Variants in STK10 observed in about 807,000 individuals in gnomAD.
STK10 encodes serine/threonine kinase 10.
In STK10, 78 loss-of-function variants were observed where a neutral mutation model predicts 113.8. That is an observed-to-expected ratio of 0.69 (90% CI 0.57 to 0.83). STK10 has a LOEUF of 0.83. Among genes scored for constraint, STK10 ranks in the 40% least tolerant of loss-of-function variants. STK10 has a pLI of 0.00. For synonymous variants in STK10, 465 were observed against 494.7 expected, an observed-to-expected ratio of 0.94 and a Z score of 0.80; for missense variants, 1,109 against 1,280.1, an observed-to-expected ratio of 0.87 and a Z score of 2.04.
At chr5:172,073,793 C>CAAA (rs60492751) in intron 12 of STK10, among the ~76,000 whole-genome samples, 2,033 of 58,382 alleles carry the variant, frequency 0.035, 123 homozygotes, top group African/African-American at 0.11. Context: ...CTAAAAATAG[C>CAAA]AAAAAAAAAA....
intron 7 of STK10, among the ~76,000 whole-genome samples, chr5:172,097,099 C>A (rs371023469): frequency 2.3e-4 from 35 of 152,308 alleles, no homozygotes; most frequent in African/African-American, 8.2e-4. Context: ...AAGGCAGTTG[C>A]GCAATCTTGG....
Position 172,044,769 on chromosome 5 carries a change from T to G in STK10, c.*113A>C, listed in dbSNP as rs139082999. 1,301 of 1,567,562 alleles carry G rather than the reference T, an allele frequency of 8.3e-4. 8 individuals are homozygous for G. In the African/African-American group the frequency reaches 0.014, roughly 17 times the overall value. On this transcript the variant is annotated 3_prime_UTR_variant, in exon 19 of 19. Coordinates refer to ENST00000176763, the MANE Select transcript of STK10 (RefSeq NM_005990.4). The surrounding 1 kb of genome is among the most constrained non-coding windows in gnomAD (Gnocchi z 4.5). The stretch of plus-strand genomic sequence containing the variant: ...GGTGGCACAGGGCGAGGGGCTGGAT[T>G]TGAGCTGGCACAGACGCAAGAGGGA...
chr5:172,094,513 G>T (rs1408497622), intron 8 of STK10, among the ~76,000 whole-genome samples: 1 of 152,042 alleles, frequency 6.6e-6, no homozygotes, highest in Non-Finnish European at 1.5e-5. Context: ...CTCCCGAGTA[G>T]CTGGGACTAC....
chr5:172,059,054 T>C (rs1767871679), intron 14 of STK10, among the ~76,000 whole-genome samples: 2 of 148,676 alleles, frequency 1.3e-5, no homozygotes, highest in African/African-American at 5.1e-5. Context: ...AGACCCCGTC[T>C]CTACTAAAAA....
At chr5:172,185,055 A>G (rs948424519) in intron 1 of STK10, among the ~76,000 whole-genome samples, 2 of 152,132 alleles carry the variant, frequency 1.3e-5, no homozygotes, top group Non-Finnish European at 2.9e-5. Context: ...CCTTTGTATG[A>G]AACTTTCAGA....
At chr5:172,091,698 T>A (rs1320826064) in intron 9 of STK10, among the ~76,000 whole-genome samples, 1 of 152,166 alleles carries the variant, frequency 6.6e-6, no homozygotes, top group Admixed American at 6.6e-5. Context: ...GCCCGGCTAA[T>A]TTTTTAATTT....
At chr5:172,106,476 G>T in intron 6 of STK10, 144 bp downstream of exon 6, 1 of 750,418 alleles carries the variant, frequency 1.3e-6, no homozygotes, top group Non-Finnish European at 1.9e-6. Context: ...AACGCCTGAA[G>T]ACCCCCAGGC....
At chr5:172,159,175 T>C (rs1274363399) in intron 1 of STK10, among the ~76,000 whole-genome samples, 2 of 152,184 alleles carry the variant, frequency 1.3e-5, no homozygotes, top group Non-Finnish European at 1.5e-5. Flanking sequence ...CCAAGGATCC[T>C]GCGAGGACGT....
chr5:172,125,633 C>T (rs1044966386), intron 3 of STK10, among the ~76,000 whole-genome samples: 5 of 152,202 alleles, frequency 3.3e-5, no homozygotes, highest in African/African-American at 1.2e-4. Context: ...GATCCGCCCA[C>T]CTCGGCCTCC....
intron 13 of STK10, 111 bp from the exon 14 acceptor site, chr5:172,061,379 C>T (rs1581135523): frequency 1.4e-6 from 2 of 1,447,908 alleles, no homozygotes; most frequent in Non-Finnish European, 1.8e-6. Flanking sequence ...AATGCAGGAA[C>T]AGAAAAGAAA....
chr5:172,168,132 T>G (rs1053208636), intron 1 of STK10, among the ~76,000 whole-genome samples: 5 of 152,166 alleles, frequency 3.3e-5, no homozygotes, highest in Non-Finnish European at 7.3e-5. Context: ...TCCCTGTCTT[T>G]ATTCTGGACG....
chr5:172,065,866 GAA>G lies in STK10; in HGVS notation c.1990-1056_1990-1055del, dbSNP rs201212026. Reference sequence around the variant, plus strand: ...GGGAAGCAATGTCCAGAGATGAGAAGAAGAATCCCTGGCAACACTCCTGCCCT... The same window carrying G: ...GGGAAGCAATGTCCAGAGATGAGAAGGAATCCCTGGCAACACTCCTGCCCT... On this transcript the variant is annotated intron_variant, in intron 12 of 18. Coordinates refer to ENST00000176763, the MANE Select transcript of STK10 (RefSeq NM_005990.4). 2.6e-3 allele frequency among the ~76,000 whole-genome samples: 392 copies of G among 152,314 alleles called. 1 individual carries two copies. The highest frequency in any genetic ancestry group is 0.01 in the Middle Eastern group (3 of 294).
chr5:172,186,945 C>A (rs570093655), intron 1 of STK10, among the ~76,000 whole-genome samples: 3 of 152,012 alleles, frequency 2.0e-5, no homozygotes, highest in Non-Finnish European at 4.4e-5. Flanking sequence ...GCTACAGGAG[C>A]CCCAAGGAGG....
chr5:172,162,822 G>T (rs183007716), intron 1 of STK10, among the ~76,000 whole-genome samples: 2 of 152,368 alleles, frequency 1.3e-5, no homozygotes, highest in Admixed American at 1.3e-4. Flanking sequence ...AAGGGATGTT[G>T]TCTCCTGATG....
At chr5:172,154,466 G>T (rs547917879) in intron 2 of STK10, among the ~76,000 whole-genome samples, 66 of 152,144 alleles carry the variant, frequency 4.3e-4, no homozygotes, top group Non-Finnish European at 6.8e-4. Context: ...TCTCCTGCCT[G>T]CCATCCTTTC....
intron 8 of STK10, 109 bp downstream of exon 8, chr5:172,096,317 A>C: frequency 6.6e-7 from 1 of 1,522,574 alleles, no homozygotes. Flanking sequence ...AGCTGGCAAT[A>C]AATTGCCTGA....
At chr5:172,127,037 C>T (rs1320646462) in intron 3 of STK10, among the ~76,000 whole-genome samples, 3 of 152,166 alleles carry the variant, frequency 2.0e-5, no homozygotes, top group East Asian at 3.9e-4. Flanking sequence ...CGTGGTGGCA[C>T]GGACCTGTAA....
intron 2 of STK10, among the ~76,000 whole-genome samples, chr5:172,154,066 C>CA (rs1465262486): frequency 2.0e-5 from 3 of 152,086 alleles, no homozygotes; most frequent in East Asian, 3.9e-4. Flanking sequence ...CTCTCCCCTG[C>CA]AAAAAAGTAC....
At chr5:172,157,951 C>T (rs866101616) in intron 1 of STK10, among the ~76,000 whole-genome samples, 2 of 152,086 alleles carry the variant, frequency 1.3e-5, no homozygotes, top group Non-Finnish European at 2.9e-5. Flanking sequence ...ACATTTCCCA[C>T]GCACTAACAG....
Sources: gnomAD v4.1 joint callset for allele counts (sites outside exome capture counted in the v4.1 genomes callset) on GRCh38, gnomAD v4.1.1 for gene constraint, Gnocchi (gnomAD v3.1) non-coding constraint, MANE v1.5 for transcripts, NCBI Gene and HGNC (gene_info 2026-07-23, HGNC 2026-07-21) for gene names.